TMEM167A: variants seen among roughly 807,000 people sequenced by gnomAD.
TMEM167A encodes the protein protein kish-A.
TMEM167A carries 8 observed loss-of-function variants against 11.6 expected under a neutral mutation model. The observed-to-expected ratio is 0.69, with a 90% confidence interval of 0.40 to 1.24. The LOEUF is 1.24. TMEM167A is among the 50% of genes most tolerant of loss of function. The pLI, the probability that TMEM167A is intolerant of heterozygous loss-of-function variation, is 0.01. For synonymous variants in TMEM167A, 22 were observed against 28.0 expected (o/e 0.79, Z 0.67); for missense variants, 62 against 87.0 (o/e 0.71, Z 1.14).
intron 1 of TMEM167A, among the ~76,000 whole-genome samples, chr5:83,066,901 C>T (rs1744491624): frequency 6.6e-6 from 1 of 152,160 alleles, no homozygotes; most frequent in Non-Finnish European, 1.5e-5. Flanking sequence ...CTCCTCCCTC[C>T]TTTTCACCAG....
intron 3 of TMEM167A, among the ~76,000 whole-genome samples, chr5:83,061,674 C>T (rs139099827): frequency 1.6e-4 from 24 of 152,292 alleles, no homozygotes; most frequent in African/African-American, 5.3e-4. Flanking sequence ...GGACTACAGG[C>T]GTGAGCCACC....
intron 1 of TMEM167A, among the ~76,000 whole-genome samples, chr5:83,072,766 G>C (rs114165113): frequency 5.8e-4 from 89 of 152,210 alleles, no homozygotes; most frequent in African/African-American, 2.0e-3. Context: ...GCCTGCCTCA[G>C]CCTCCTGGAA....
At chr5:83,066,783 C>A (rs1744487527) in intron 1 of TMEM167A, among the ~76,000 whole-genome samples, 1 of 150,090 alleles carries the variant, frequency 6.7e-6, no homozygotes, top group Middle Eastern at 3.4e-3. Context: ...GTAGATCTCC[C>A]ATGAATGTCA....
rs773344176 is a variant in TMEM167A, at chr5:83,077,350, A to G, written c.-27T>C. On this transcript the variant is annotated 5_prime_UTR_variant, in exon 1 of 4. The change abolishes an upstream ATG in the 5' untranslated region. Transcript: ENST00000502346. ...GCGAGGCCGGCGATGCCGCAGCCAC[A>G]TCACCCTTCCGGGGCTCAGGCGGAA... 23 of 1,614,034 alleles carry G rather than the reference A, an allele frequency of 1.4e-5. No individual in the cohort carries two copies. The South Asian group carries it at 2.5e-4, about 18-fold the overall frequency.
rs1299212505 is a variant in TMEM167A at position 83,072,729 on chromosome 5, A to G, written c.3+4592T>C. ...GTATTTTTAGTAGAAATGGGGTTTC[A>G]CCATGTTGGTCAGGCTAGTCTCGAA... On this transcript the variant is annotated intron_variant, in intron 1 of 3. Transcript: ENST00000502346. Among the ~76,000 whole-genome samples, 4 of 152,112 alleles carry G rather than the reference A, an allele frequency of 2.6e-5. No individual in the cohort carries two copies. The South Asian group carries it at 6.2e-4, about 24-fold the overall frequency.
At chr5:83,060,642 C>T (rs901404737) in intron 3 of TMEM167A, among the ~76,000 whole-genome samples, 15 of 151,614 alleles carry the variant, frequency 9.9e-5, no homozygotes, top group Admixed American at 4.6e-4. Context: ...GCAGCCTGGC[C>T]GACATAGTGA....
At chr5:83,064,373 A>G (rs761401174) in intron 2 of TMEM167A, 2 of 517,494 alleles carry the variant, frequency 3.9e-6, no homozygotes, top group Non-Finnish European at 7.7e-6. Flanking sequence ...TCGTGATAGC[A>G]TAGGGAAAGT....
chr5:83,067,206 T>C (rs1227191634), intron 1 of TMEM167A, among the ~76,000 whole-genome samples: 1 of 150,944 alleles, frequency 6.6e-6, no homozygotes, highest in Non-Finnish European at 1.5e-5. Context: ...CTGAAGTTCA[T>C]ATGGAAAAAA....
In TMEM167A at chr5:83,066,349, T is replaced by A. The variant is rs571236665; in HGVS notation, c.4-1232A>T. On this transcript the variant is annotated intron_variant, in intron 1 of 3. Coordinates refer to ENST00000502346, the MANE Select transcript of TMEM167A (RefSeq NM_174909.5). ...ATGAGAAAACTTAGTTACACAAAATTGGTACTTGCGGCTGAGTGCTTACTT... is the reference window on the plus strand; with the variant it reads ...ATGAGAAAACTTAGTTACACAAAATAGGTACTTGCGGCTGAGTGCTTACTT... 6.5e-4 allele frequency among the ~76,000 whole-genome samples: 99 copies of A among 152,262 alleles called. No homozygotes were observed. In the South Asian group the frequency reaches 8.1e-3, roughly 12 times the overall value.
At chr5:83,069,822 C>T (rs1004347625) in intron 1 of TMEM167A, among the ~76,000 whole-genome samples, 13 of 152,018 alleles carry the variant, frequency 8.6e-5, no homozygotes, top group African/African-American at 3.1e-4. Context: ...GGAACTTGAA[C>T]GCAACTGGCA....
intron 1 of TMEM167A, among the ~76,000 whole-genome samples, chr5:83,068,749 GA>G (rs1413078459): frequency 2.6e-5 from 4 of 152,142 alleles, no homozygotes; most frequent in African/African-American, 9.7e-5. Flanking sequence ...AAAATGGTTG[GA>G]AAACAAATCT....
At chr5:83,059,805 A>G (rs1359207482) in intron 3 of TMEM167A, among the ~76,000 whole-genome samples, 1 of 151,900 alleles carries the variant, frequency 6.6e-6, no homozygotes, top group East Asian at 1.9e-4. Flanking sequence ...TTCCCTGTGC[A>G]TCCTAGGATG....
At chr5:83,066,526 G>C (rs926937452) in intron 1 of TMEM167A, among the ~76,000 whole-genome samples, 8 of 152,090 alleles carry the variant, frequency 5.3e-5, no homozygotes, top group Non-Finnish European at 7.4e-5. Flanking sequence ...ATAGCATCCA[G>C]AACGAACAGC....
At chr5:83,071,992 TAC>T (rs1345809216) in intron 1 of TMEM167A, among the ~76,000 whole-genome samples, 1 of 152,228 alleles carries the variant, frequency 6.6e-6, no homozygotes, top group Non-Finnish European at 1.5e-5. Context: ...TTTAAAAATG[TAC>T]AGAGACATTT....
intron 1 of TMEM167A, among the ~76,000 whole-genome samples, chr5:83,073,432 A>G (rs1285524616): frequency 6.6e-6 from 1 of 152,246 alleles, no homozygotes; most frequent in Non-Finnish European, 1.5e-5. Flanking sequence ...AAGCATCACC[A>G]AACTTCCAAA....
chr5:83,076,985 C>T (rs1191757346), intron 1 of TMEM167A, among the ~76,000 whole-genome samples: 1 of 152,198 alleles, frequency 6.6e-6, no homozygotes, highest in African/African-American at 2.4e-5. Context: ...GGAGTTGCAA[C>T]AAAACAAGCG....
intron 3 of TMEM167A, among the ~76,000 whole-genome samples, chr5:83,058,593 C>T (rs1254985704): frequency 6.6e-6 from 1 of 151,992 alleles, no homozygotes; most frequent in Admixed American, 6.6e-5. Context: ...ACTTCGTAAG[C>T]AAGCCTGTCA....
At chr5:83,062,751 T>C (rs1471073423) in intron 2 of TMEM167A, among the ~76,000 whole-genome samples, 9 of 152,008 alleles carry the variant, frequency 5.9e-5, no homozygotes, top group Admixed American at 5.9e-4. Flanking sequence ...GTGTCACATA[T>C]GGTTGCAAAT....
At chr5:83,074,197 C>T (rs1744604030) in intron 1 of TMEM167A, among the ~76,000 whole-genome samples, 1 of 152,210 alleles carries the variant, frequency 6.6e-6, no homozygotes, top group South Asian at 2.1e-4. Context: ...TCTTTTTATT[C>T]CTGCCACATT....
Sources: gnomAD v4.1 joint callset for allele counts (sites outside exome capture counted in the v4.1 genomes callset) on GRCh38, gnomAD v4.1.1 for gene constraint, MANE v1.5 for transcripts, NCBI Gene and HGNC (gene_info 2026-07-23, HGNC 2026-07-21) for gene names.